SLC2A13: variants seen among roughly 807,000 people sequenced by gnomAD.
SLC2A13 encodes proton myo-inositol cotransporter.
In SLC2A13, 32 loss-of-function variants were observed where a neutral mutation model predicts 64.4. The observed-to-expected ratio is 0.50, with a 90% CI of 0.37 to 0.67. SLC2A13 has a LOEUF of 0.67. SLC2A13 is among the 30% of genes least tolerant of loss of function. The pLI is 0.00. For synonymous variants in SLC2A13, 338 were observed against 327.1 expected, an observed-to-expected ratio of 1.03 and a Z score of -0.36; for missense variants, 743 against 829.2, an observed-to-expected ratio of 0.90 and a Z score of 1.28.
chr12:39,958,690 ATAC>A (rs1217993631), intron 3 of SLC2A13, among the ~76,000 whole-genome samples: 1 of 152,146 alleles, frequency 6.6e-6, no homozygotes, highest in African/African-American at 2.4e-5. Context: ...GATTTGTTTC[ATAC>A]TACTTCTCCT....
At chr12:40,037,990 T>G (rs574366928) in intron 2 of SLC2A13, among the ~76,000 whole-genome samples, 1 of 152,224 alleles carries the variant, frequency 6.6e-6, no homozygotes, top group Non-Finnish European at 1.5e-5. Flanking sequence ...AAGAACCAAC[T>G]GTTAACATTG....
intron 1 of SLC2A13, among the ~76,000 whole-genome samples, chr12:40,065,421 GA>G (rs67773532): frequency 0.049 from 6,568 of 134,558 alleles, 486 homozygotes; most frequent in African/African-American, 0.16. Context: ...ATCTTTACAA[GA>G]AAAAAAAAAA....
chr12:40,105,929 TCCGCTCCGGCTGCCACGGCAGCAGCCG>T lies in SLC2A13; in HGVS notation c.-148_-122del. On this transcript the variant is annotated 5_prime_UTR_variant, in exon 1 of 10. Coordinates refer to ENST00000280871, the MANE Select transcript of SLC2A13 (RefSeq NM_052885.4). The surrounding 1 kb of genome is among the most constrained non-coding windows in gnomAD (Gnocchi z 4.2). ...TGCCGCCGCTTTCTTCCTCCCGGCTTCCGCTCCGGCTGCCACGGCAGCAGCCGCCGCCACGGCCGCTCCGGGGAGAAA... is the reference window on the plus strand; with the variant it reads ...TGCCGCCGCTTTCTTCCTCCCGGCTTCCGCCACGGCCGCTCCGGGGAGAAA... The T allele has an allele frequency of 2.5e-6, 3 of 1,194,892 alleles. No homozygotes were observed. The highest frequency in any genetic ancestry group is 3.2e-6 in the Non-Finnish European group (3 of 940,688). 74.0% of individuals were successfully genotyped at this position (1,194,892 alleles called of 1,614,324 possible).
chr12:39,797,771 C>T (rs1001592358), intron 7 of SLC2A13, among the ~76,000 whole-genome samples: 1 of 151,928 alleles, frequency 6.6e-6, no homozygotes, highest in African/African-American at 2.4e-5. Flanking sequence ...CACACACACA[C>T]ACACATACAC....
chr12:39,784,247 A>G (rs1475677407), intron 7 of SLC2A13, among the ~76,000 whole-genome samples: 2 of 152,234 alleles, frequency 1.3e-5, no homozygotes, highest in Non-Finnish European at 2.9e-5. Context: ...ATGGAACCAA[A>G]AAAGAGCCCG....
intron 5 of SLC2A13, 62 bp downstream of exon 5, chr12:39,871,735 AG>A: frequency 6.8e-7 from 1 of 1,464,844 alleles, no homozygotes; most frequent in Non-Finnish European, 9.1e-7. Context: ...GTATTTTTGA[AG>A]GTTAAACTTG....
At chr12:40,063,462 T>TA (rs11420371) in intron 1 of SLC2A13, among the ~76,000 whole-genome samples, 33,534 of 138,466 alleles carry the variant, frequency 0.24, 4,376 homozygotes, top group East Asian at 0.49. Context: ...TCTAAATTAG[T>TA]AAAAAAAAAA....
chr12:39,951,161 ACT>A, intron 4 of SLC2A13, 94 bp downstream of exon 4: 1 of 1,039,970 alleles, frequency 9.6e-7, no homozygotes, highest in South Asian at 1.7e-5. Flanking sequence ...AGAACAAATC[ACT>A]GAGTCTAGTA....
rs527316088 is a variant in SLC2A13, at chr12:40,023,325, C to A, written c.925+4976G>T. 5.3e-5 allele frequency among the ~76,000 whole-genome samples: 8 copies of A among 152,344 alleles called. No individual in the cohort carries two copies. In the South Asian group the frequency reaches 1.7e-3, roughly 32 times the overall value. On this transcript the variant is annotated intron_variant, in intron 3 of 9. Coordinates refer to ENST00000280871, the MANE Select transcript of SLC2A13 (RefSeq NM_052885.4). ...GAGGATGACAGAGATGGTGCCTTAT[C>A]TAAGACCTCCCAGAAACTGTGCTTG... is the stretch of plus-strand genomic sequence containing the variant.
At position 39,919,783 on chromosome 12, in the gene SLC2A13, A is replaced by C. The variant is rs1246033765; in HGVS notation, c.1034+31474T>G. Among the ~76,000 whole-genome samples the C allele has an allele frequency of 2.0e-5, 3 of 152,232 alleles. No homozygotes were observed. In the East Asian group the frequency reaches 5.8e-4, roughly 29 times the overall value. On this transcript the variant is annotated intron_variant, in intron 4 of 9. Coordinates refer to ENST00000280871, the MANE Select transcript of SLC2A13 (RefSeq NM_052885.4). ...TATTAAAGAAGGTTATCATTGTTTT[A>C]ATAAGATTTTATTTATTTAAAGATA...
chr12:40,024,656 T>C lies in SLC2A13; in HGVS notation c.925+3645A>G, dbSNP rs79176833. ...GCTCTTTCATTTATTGTGTGCCTTA[T>C]CCAATGAGAATGGACCAGAATCTTG... is the stretch of plus-strand genomic sequence containing the variant. On this transcript the variant is annotated intron_variant, in intron 3 of 9. Transcript: ENST00000280871. Among the ~76,000 whole-genome samples the C allele has an allele frequency of 4.1e-3, 629 of 152,288 alleles. 6 individuals are homozygous for C. The highest frequency in any genetic ancestry group is 0.037 in the East Asian group (193 of 5,184).
At chr12:39,943,154 T>C (rs1201768020) in intron 4 of SLC2A13, among the ~76,000 whole-genome samples, 1 of 152,170 alleles carries the variant, frequency 6.6e-6, no homozygotes, top group Non-Finnish European at 1.5e-5. Context: ...ACCTGCCAGA[T>C]GCCAGCCAGA....
intron 7 of SLC2A13, among the ~76,000 whole-genome samples, chr12:39,774,773 C>G (rs990875079): frequency 3.3e-5 from 5 of 151,922 alleles, no homozygotes; most frequent in African/African-American, 1.2e-4. Context: ...CACTTTTTTC[C>G]TGAATAAAAT....
intron 1 of SLC2A13, among the ~76,000 whole-genome samples, chr12:40,099,024 G>A (rs892533327): frequency 2.4e-4 from 36 of 152,218 alleles, no homozygotes; most frequent in African/African-American, 8.0e-4. Context: ...CTCCTGCCAC[G>A]TGGCCTTGGA....
intron 6 of SLC2A13, among the ~76,000 whole-genome samples, chr12:39,837,372 A>G (rs1297761238): frequency 3.6e-5 from 5 of 137,334 alleles, no homozygotes; most frequent in South Asian, 2.6e-4. Context: ...CGTTAGACCT[A>G]AAACCATAAA....
At chr12:39,811,424 T>A (rs566536799) in intron 7 of SLC2A13, among the ~76,000 whole-genome samples, 9 of 152,220 alleles carry the variant, frequency 5.9e-5, no homozygotes, top group African/African-American at 2.2e-4. Flanking sequence ...CTTTCAAAAT[T>A]TTCTAATATA....
intron 3 of SLC2A13, among the ~76,000 whole-genome samples, chr12:39,973,410 G>C (rs1359729786): frequency 6.6e-6 from 1 of 152,096 alleles, no homozygotes; most frequent in Non-Finnish European, 1.5e-5. Flanking sequence ...CCAAACTTTG[G>C]AATGCCCCAG....
intron 7 of SLC2A13, among the ~76,000 whole-genome samples, chr12:39,783,621 G>C (rs1941077760): frequency 6.6e-6 from 1 of 152,202 alleles, no homozygotes; most frequent in Non-Finnish European, 1.5e-5. Context: ...CTCATGGCCA[G>C]TAATGATGAG....
chr12:39,946,175 G>A (rs1277260147), intron 4 of SLC2A13, among the ~76,000 whole-genome samples: 2 of 152,156 alleles, frequency 1.3e-5, no homozygotes, highest in African/African-American at 4.8e-5. Context: ...GGCTGGTATT[G>A]CAGGTTGTCT....
Sources: allele counts gnomAD v4.1 joint callset (sites outside exome capture counted in the v4.1 genomes callset), GRCh38; gene constraint gnomAD v4.1.1; non-coding constraint Gnocchi (gnomAD v3.1); transcripts MANE v1.5; gene names NCBI Gene and HGNC (gene_info 2026-07-23, HGNC 2026-07-21).